Variants in C17orf99 observed in about 807,000 individuals in gnomAD.
The protein encoded by C17orf99 is chromosome 17 open reading frame 99.
Under a neutral mutation model 22.6 loss-of-function variants are expected in C17orf99, and 18 were observed. The ratio of observed to expected loss-of-function variants is 0.80; its 90% confidence interval spans 0.55 to 1.18. The LOEUF (loss-of-function observed/expected upper bound fraction) is 1.18, where lower values mean the gene tolerates loss of function less well. Ranked by LOEUF, C17orf99 falls within the 50% of genes most tolerant of loss-of-function variation. The pLI is 0.00. For synonymous variants in C17orf99, 147 were observed against 136.6 expected (o/e 1.08, Z -0.53); for missense variants, 328 against 342.7 (o/e 0.96, Z 0.34).
chr17:78,164,963 G>A lies in C17orf99; in HGVS notation c.640+599G>A, dbSNP rs903175479. The A allele has an allele frequency of 2.6e-6, 3 of 1,136,354 alleles. No individual in the cohort carries two copies. The African/African-American group carries it at 5.0e-5, about 19-fold the overall frequency. The allele number at this position is 1,136,354 out of a possible 1,614,324, so 70.4% of individuals were successfully genotyped here. On this transcript the variant is annotated intron_variant, in intron 4 of 4. Transcript: ENST00000340363. ...GGGCAGTCTCCTAAGTTCTTTATGG[G>A]GTCTGAGCAGGGATTGCAGGGATGA...
Position 78,161,121 on chromosome 17 carries a change from G to A in C17orf99, c.237G>A (p.Glu79=). ...KVAKKVVKTH[E]PASFNLNVTL... ...CCAAGAAGGTGGTGAAGACCCACGA[G>A]CCGGCCTCCTTCAACCTCAACGTCA... The change falls in exon 3 of 5, where the codon GAG becomes GAA. Residue 79 remains glutamate (E), a synonymous_variant. Coordinates refer to ENST00000340363, the MANE Select transcript of C17orf99 (RefSeq NM_001163075.2). 6.4e-7 allele frequency: 1 copy of A among 1,551,814 alleles called. No homozygotes were observed. Among genetic ancestry groups the A allele is most frequent in the Non-Finnish European group, 8.7e-7 (1 of 1,147,004 alleles).
chr17:78,146,477 C>CT lies in C17orf99; in HGVS notation c.37+34dup. 4 of 1,546,104 alleles carry CT rather than the reference C, an allele frequency of 2.6e-6. No individual in the cohort carries two copies. Among genetic ancestry groups the CT allele is most frequent in the Non-Finnish European group, 3.5e-6 (4 of 1,144,662 alleles). On this transcript the variant is annotated intron_variant, in intron 1 of 4. Transcript: ENST00000340363. The surrounding 1 kb of genome is among the most constrained non-coding windows in gnomAD (Gnocchi z 5.2). ...CACCAGGGACGTGATGGTGGGGCTG[C>CT]TGCTGGGGCCTTGAGGTCTTGGGCT...
At chr17:78,149,221 A>G (rs1465190385) in intron 2 of C17orf99, among the ~76,000 whole-genome samples, 7 of 151,424 alleles carry the variant, frequency 4.6e-5, no homozygotes, top group Non-Finnish European at 8.8e-5. Flanking sequence ...AATCCCAGCT[A>G]CTCGGGAGGC....
intron 2 of C17orf99, among the ~76,000 whole-genome samples, chr17:78,148,762 T>C (rs1446599086): frequency 6.6e-6 from 1 of 151,926 alleles, no homozygotes; most frequent in African/African-American, 2.4e-5. Flanking sequence ...GTCAGAGGCA[T>C]GGTGTGGGGT....
intron 2 of C17orf99, among the ~76,000 whole-genome samples, chr17:78,153,180 G>C (rs1051103559): frequency 1.3e-5 from 2 of 152,058 alleles, no homozygotes; most frequent in African/African-American, 4.8e-5. Context: ...CACAAGTCTT[G>C]AGAGGATATA....
intron 2 of C17orf99, chr17:78,158,092 G>C: frequency 1.0e-6 from 1 of 965,152 alleles, no homozygotes; most frequent in Non-Finnish European, 1.6e-6. Flanking sequence ...GTCTGCATGA[G>C]GGAGACCTTG....
chr17:78,166,092 T>G lies in C17orf99; in HGVS notation c.*46T>G. ...AAGCACGGCAGAGGACTGCAGGCCA[T>G]CAGCGTGCACTGTTCGTATTTGGAG... is the stretch of plus-strand genomic sequence containing the variant. On this transcript the variant is annotated 3_prime_UTR_variant, in exon 5 of 5. Coordinates refer to ENST00000340363, the MANE Select transcript of C17orf99 (RefSeq NM_001163075.2). 3.1e-6 allele frequency: 2 copies of G among 634,932 alleles called. No individual in the cohort carries two copies. The highest frequency in any genetic ancestry group is 4.6e-6 in the Non-Finnish European group (2 of 432,444). The allele number at this position is 634,932 out of a possible 1,614,324, so 39.3% of individuals were successfully genotyped here.
At chr17:78,157,407 G>C in intron 2 of C17orf99, 1 of 1,275,076 alleles carries the variant, frequency 7.8e-7, no homozygotes. Flanking sequence ...GTGCGAGTTG[G>C]AATCGAAGCC....
Position 78,157,797 on chromosome 17 carries a change from G to A in C17orf99, c.71-3158G>A, listed in dbSNP as rs78326688. 5 of 580,918 alleles carry A rather than the reference G, an allele frequency of 8.6e-6. No individual in the cohort carries two copies. The African/African-American group carries it at 1.3e-4, about 15-fold the overall frequency. The allele number at this position is 580,918 out of a possible 1,614,324, so 36.0% of individuals were successfully genotyped here. A position where few individuals can be genotyped will look rare whatever the true frequency, so the allele number is the denominator to read the frequency against. On this transcript the variant is annotated intron_variant, in intron 2 of 4. Transcript: ENST00000340363. The stretch of plus-strand genomic sequence containing the variant: ...GGGCGACAGAGCGTGACTCTGTCTC[G>A]GAAAAAAAAAAAAAAAAAAAAAAAA...
At chr17:78,147,237 G>A (rs1291345065) in intron 2 of C17orf99, among the ~76,000 whole-genome samples, 2 of 152,156 alleles carry the variant, frequency 1.3e-5, no homozygotes, top group Non-Finnish European at 2.9e-5. Flanking sequence ...GTCCCTGATC[G>A]GGAGCAGAAG....
intron 3 of C17orf99, among the ~76,000 whole-genome samples, chr17:78,161,845 A>AAAAAAG (rs1365850734): frequency 2.0e-4 from 31 of 151,852 alleles, no homozygotes; most frequent in African/African-American, 7.3e-4. Context: ...CCAAAAAAAA[A>AAAAAAG]AAAAAGAAAA....
At chr17:78,151,115 T>A (rs1468891791) in intron 2 of C17orf99, among the ~76,000 whole-genome samples, 1 of 149,354 alleles carries the variant, frequency 6.7e-6, no homozygotes, top group African/African-American at 2.5e-5. Context: ...AGAGTGAGAC[T>A]CTGTCTCACA....
rs112950317 is a variant in C17orf99 at position 78,146,545 on chromosome 17, G to GC, written c.37+101_37+102insC. 43,855 of 1,061,478 alleles carry GC rather than the reference G, an allele frequency of 0.041. 1,155 individuals are homozygous for GC. Among genetic ancestry groups the GC allele is most frequent in the South Asian group, 0.082 (6,050 of 73,514 alleles). The allele number at this position is 1,061,478 out of a possible 1,614,324, so 65.8% of individuals were successfully genotyped here. On this transcript the variant is annotated intron_variant, in intron 1 of 4. Coordinates refer to ENST00000340363, the MANE Select transcript of C17orf99 (RefSeq NM_001163075.2). This position sits in a 1 kb window ranked among gnomAD's most constrained non-coding sequence, Gnocchi z 5.2. The stretch of plus-strand genomic sequence containing the variant: ...AGCACAGGAGAGATGAGGCCTGAAG[G>GC]AAGGGCACCTCTGGAAACATGGACA...
Position 78,161,262 on chromosome 17 carries a change from C to T in C17orf99, c.370+8C>T, listed in dbSNP as rs72898214. 41 of 1,549,596 alleles carry T rather than the reference C, an allele frequency of 2.6e-5. No individual in the cohort carries two copies. The highest frequency in any genetic ancestry group is 1.7e-4 in the Middle Eastern group (1 of 5,982). Reference sequence around the variant, plus strand: ...ACTGGGAGCTGTGGTCCAGTGAGTGCGGTGGGGGGCACAGGGCTGAGGAGG... The same window carrying T: ...ACTGGGAGCTGTGGTCCAGTGAGTGTGGTGGGGGGCACAGGGCTGAGGAGG... On this transcript the variant is annotated splice_region_variant and intron_variant, in intron 3 of 4. Transcript: ENST00000340363.
Position 78,146,886 on chromosome 17 carries a change from C to T in C17orf99, c.45C>T (p.Ser15=), listed in dbSNP as rs1319760154. Residue 15 remains serine (S), a synonymous_variant, in exon 2 of 5, where the codon AGC becomes AGT. Transcript: ENST00000340363. The surrounding 1 kb of genome is among the most constrained non-coding windows in gnomAD (Gnocchi z 5.2). ...CCCTTACCTCTCTTACAGCTGCCAG[C>T]AGCTTCTCCAAGGCACGGGAGGAAG... ...GLFCLAVLAA[S]SFSKAREEEI... is the part of the protein sequence containing the mutation. The T allele has an allele frequency of 1.9e-5, 29 of 1,551,418 alleles. No homozygotes were observed. Among genetic ancestry groups the T allele is most frequent in the Middle Eastern group, 1.7e-4 (1 of 6,010 alleles).
At chr17:78,146,204 A>C, upstream of C17orf99, 2 of 524,030 alleles carry the variant, frequency 3.8e-6, no homozygotes, top group East Asian at 3.2e-5. This position sits in a 1 kb window ranked among gnomAD's most constrained non-coding sequence, Gnocchi z 5.2. Context: ...TTCTCTGGGG[A>C]TTGAGGGGGA....
chr17:78,157,064 T>C (rs1182604951), intron 2 of C17orf99, among the ~76,000 whole-genome samples: 1 of 152,044 alleles, frequency 6.6e-6, no homozygotes, highest in African/African-American at 2.4e-5. Flanking sequence ...GCACGGTGGC[T>C]CACGCTTGTA....
At chr17:78,157,547 C>T in intron 2 of C17orf99, 2 of 880,434 alleles carry the variant, frequency 2.3e-6, no homozygotes, top group Non-Finnish European at 3.3e-6. Context: ...GCCCGTAATC[C>T]CATCACTTTG....
chr17:78,149,923 A>C (rs970456339), intron 2 of C17orf99, among the ~76,000 whole-genome samples: 3 of 151,700 alleles, frequency 2.0e-5, no homozygotes, highest in South Asian at 2.1e-4. Context: ...GTTAGCCAGG[A>C]TGGTGTTGAT....
Sources: gnomAD v4.1 joint callset for allele counts (sites outside exome capture counted in the v4.1 genomes callset) on GRCh38, gnomAD v4.1.1 for gene constraint, Gnocchi (gnomAD v3.1) non-coding constraint, MANE v1.5 for transcripts, NCBI Gene and HGNC (gene_info 2026-07-23, HGNC 2026-07-21) for gene names.